Variants in QKI observed in about 807,000 individuals in gnomAD.
The protein encoded by QKI is QKI, KH domain containing RNA binding.
QKI carries 10 observed loss-of-function variants against 39.0 expected under a neutral mutation model. The ratio of observed to expected loss-of-function variants is 0.26; its 90% CI spans 0.16 to 0.43. The LOEUF (loss-of-function observed/expected upper bound fraction) is 0.43. QKI is among the 20% of genes least tolerant of loss of function. QKI has a pLI of 1.00. For synonymous variants in QKI, 204 were observed against 155.4 expected (o/e 1.31, Z -2.33); for missense variants, 218 against 428.0 (o/e 0.51, Z 4.33).
At chr6:163,563,082 T>C (rs1198280948) in intron 5 of QKI, among the ~76,000 whole-genome samples, 1 of 152,258 alleles carries the variant, frequency 6.6e-6, no homozygotes, top group African/African-American at 2.4e-5. Context: ...CATCTGTTAA[T>C]GCAAGTGTTT....
intron 2 of QKI, among the ~76,000 whole-genome samples, chr6:163,471,595 G>T (rs187099674): frequency 5.4e-4 from 82 of 152,202 alleles, no homozygotes; most frequent in African/African-American, 1.9e-3. Flanking sequence ...ATTAATGTTT[G>T]ATAAGTCAAG....
At chr6:163,448,082 T>G (rs1037027925) in intron 1 of QKI, among the ~76,000 whole-genome samples, 2 of 152,198 alleles carry the variant, frequency 1.3e-5, no homozygotes, top group African/African-American at 4.8e-5. Context: ...GTTAGGTACT[T>G]CTGTAATACA....
At chr6:163,466,344 G>A (rs1744925) in intron 2 of QKI, among the ~76,000 whole-genome samples, 119,527 of 152,050 alleles carry the variant, frequency 0.79, 47,125 homozygotes, top group East Asian at 1. Context: ...TATAGATCCA[G>A]TACAATTCCT....
intron 3 of QKI, among the ~76,000 whole-genome samples, chr6:163,510,459 G>A (rs1325522369): frequency 6.6e-6 from 1 of 151,396 alleles, no homozygotes; most frequent in Admixed American, 6.6e-5. Flanking sequence ...TACTTGGGAG[G>A]CTGAGGCAGG....
At chr6:163,513,723 G>T (rs1165002678) in intron 3 of QKI, among the ~76,000 whole-genome samples, 1 of 152,088 alleles carries the variant, frequency 6.6e-6, no homozygotes, top group African/African-American at 2.4e-5. Flanking sequence ...GCACATTGTT[G>T]TCAAGAAATG....
chr6:163,475,595 A>G (rs548347892), intron 2 of QKI, among the ~76,000 whole-genome samples: 17 of 152,256 alleles, frequency 1.1e-4, no homozygotes, highest in African/African-American at 3.9e-4. Flanking sequence ...TATTTATGAC[A>G]GTGATGACAC....
intron 3 of QKI, among the ~76,000 whole-genome samples, chr6:163,487,572 T>C (rs1777760410): frequency 6.6e-6 from 1 of 152,178 alleles, no homozygotes; most frequent in Non-Finnish European, 1.5e-5. Context: ...TTGTAATTGA[T>C]AGATCTCTTA....
intron 3 of QKI, among the ~76,000 whole-genome samples, chr6:163,528,950 A>G (rs1780679706): frequency 6.6e-6 from 1 of 152,128 alleles, no homozygotes. Context: ...TTATATTGAG[A>G]TAGAACTTTA....
At chr6:163,569,380 T>C (rs1783568357) in intron 7 of QKI, 1 of 1,244,546 alleles carries the variant, frequency 8.0e-7, no homozygotes, top group Non-Finnish European at 1.0e-6. Context: ...ATTTATGAAG[T>C]GGCACAGAAT....
intron 3 of QKI, among the ~76,000 whole-genome samples, chr6:163,511,908 AAG>A (rs1779506138): frequency 6.6e-6 from 1 of 152,072 alleles, no homozygotes; most frequent in Non-Finnish European, 1.5e-5. Context: ...CAGCAAAACA[AAG>A]AATCAGTATT....
intron 2 of QKI, among the ~76,000 whole-genome samples, chr6:163,462,241 C>T (rs1302308598): frequency 6.6e-6 from 1 of 152,164 alleles, no homozygotes; most frequent in Non-Finnish European, 1.5e-5. Flanking sequence ...CAGGCGGGAG[C>T]CACTGCGCCC....
intron 3 of QKI, among the ~76,000 whole-genome samples, chr6:163,515,212 A>G (rs561950693): frequency 4.0e-4 from 61 of 152,278 alleles, no homozygotes; most frequent in African/African-American, 1.5e-3. Flanking sequence ...GATGTCCTCA[A>G]TGTTATCAAA....
chr6:163,447,249 A>ATT (rs4038332), intron 1 of QKI, among the ~76,000 whole-genome samples: 4,451 of 120,124 alleles, frequency 0.037, 118 homozygotes, highest in Middle Eastern at 0.063. Context: ...GGTGCACGTG[A>ATT]TTTTTTTTTT....
chr6:163,481,268 TATA>T (rs1428222124), intron 3 of QKI, among the ~76,000 whole-genome samples: 1 of 152,206 alleles, frequency 6.6e-6, no homozygotes, highest in Non-Finnish European at 1.5e-5. Flanking sequence ...TGCGTATATA[TATA>T]ATGTGTATAT....
chr6:163,554,451 A>G (rs780450034), intron 4 of QKI, among the ~76,000 whole-genome samples: 5 of 152,248 alleles, frequency 3.3e-5, no homozygotes, highest in Non-Finnish European at 7.3e-5. Context: ...AGTAACTGCC[A>G]CATCATCTTG....
intron 4 of QKI, among the ~76,000 whole-genome samples, chr6:163,549,313 T>C (rs1258991414): frequency 6.6e-6 from 1 of 152,002 alleles, no homozygotes; most frequent in Non-Finnish European, 1.5e-5. Context: ...CAGGAAAGGG[T>C]AGGAAAAGGC....
intron 4 of QKI, among the ~76,000 whole-genome samples, chr6:163,550,970 C>G (rs1323901926): frequency 1.3e-5 from 2 of 148,404 alleles, no homozygotes; most frequent in East Asian, 2.0e-4. Context: ...AAAGCTGCTT[C>G]TGTTGGAGGA....
chr6:163,528,352 G>A (rs1435038357), intron 3 of QKI, among the ~76,000 whole-genome samples: 1 of 152,084 alleles, frequency 6.6e-6, no homozygotes, highest in Non-Finnish European at 1.5e-5. Context: ...ACTATTTTAT[G>A]ATGCTGTTTT....
intron 1 of QKI, among the ~76,000 whole-genome samples, chr6:163,441,730 C>T (rs946348634): frequency 2.2e-4 from 34 of 152,138 alleles, no homozygotes; most frequent in African/African-American, 8.0e-4. Flanking sequence ...TTAGTGTGAG[C>T]CATACTGCTC....
Sources: allele counts gnomAD v4.1 joint callset (sites outside exome capture counted in the v4.1 genomes callset), GRCh38; gene constraint gnomAD v4.1.1; transcripts MANE v1.5; gene names NCBI Gene and HGNC (gene_info 2026-07-23, HGNC 2026-07-21).